Variants in GABRB2 observed in about 807,000 individuals in gnomAD.
GABRB2 encodes the protein gamma-aminobutyric acid receptor subunit beta-2.
Under a neutral mutation model 54.7 loss-of-function variants are expected in GABRB2, and 16 were observed. The observed-to-expected ratio is 0.29, with a 90% CI of 0.20 to 0.44. The LOEUF (loss-of-function observed/expected upper bound fraction) is 0.44. Among genes scored for constraint, GABRB2 ranks in the 20% least tolerant of loss-of-function variants. GABRB2 has a pLI of 1.00. For synonymous variants in GABRB2, 244 were observed against 233.8 expected (o/e 1.04, Z -0.40); for missense variants, 355 against 644.0 (o/e 0.55, Z 4.86).
At chr5:161,487,587 A>G (rs1026631996) in intron 3 of GABRB2, among the ~76,000 whole-genome samples, 2 of 151,942 alleles carry the variant, frequency 1.3e-5, no homozygotes, top group Non-Finnish European at 2.9e-5. Context: ...AAGCCCATGC[A>G]TGGGTTTGGA....
Position 161,291,091 on chromosome 5 carries a change from T to C in GABRB2, c.*2990A>G, listed in dbSNP as rs544510408. 9 of 152,652 alleles carry C rather than the reference T, an allele frequency of 5.9e-5. No homozygotes were observed. The highest frequency in any genetic ancestry group is 2.2e-4 in the African/African-American group (9 of 41,548). The allele number at this position is 152,652 out of a possible 1,614,324, so 9.5% of individuals were successfully genotyped here. On this transcript the variant is annotated 3_prime_UTR_variant, in exon 10 of 10. Transcript: ENST00000393959. ...AACACATGATTATGTTGCATGAGTT[T>C]TCAACTCTGAAATGCATTTCATACC...
chr5:161,359,735 C>G (rs970103362), intron 5 of GABRB2, among the ~76,000 whole-genome samples: 2 of 152,134 alleles, frequency 1.3e-5, no homozygotes, highest in African/African-American at 4.8e-5. Flanking sequence ...GCTAGAAAAG[C>G]ACTACAGATG....
intron 3 of GABRB2, among the ~76,000 whole-genome samples, chr5:161,503,345 C>T (rs1398904619): frequency 6.6e-6 from 1 of 151,618 alleles, no homozygotes; most frequent in East Asian, 1.9e-4. Flanking sequence ...CTTCAATAAG[C>T]ATGGCAGAAA....
At chr5:161,298,209 T>G (rs1314744054) in intron 9 of GABRB2, among the ~76,000 whole-genome samples, 1 of 152,234 alleles carries the variant, frequency 6.6e-6, no homozygotes, top group Non-Finnish European at 1.5e-5. Flanking sequence ...TCCAAACACT[T>G]TCTCCCATTC....
At chr5:161,302,538 G>C (rs1202645037) in intron 9 of GABRB2, among the ~76,000 whole-genome samples, 2 of 152,056 alleles carry the variant, frequency 1.3e-5, no homozygotes, top group Non-Finnish European at 2.9e-5. Flanking sequence ...AGGGGAAATG[G>C]GACTATCTGA....
At chr5:161,412,492 T>TTA (rs1756545712) in intron 4 of GABRB2, among the ~76,000 whole-genome samples, 1 of 152,142 alleles carries the variant, frequency 6.6e-6, no homozygotes, top group African/African-American at 2.4e-5. Flanking sequence ...AGCCACTCTA[T>TTA]TCACTGCCCC....
At position 161,530,783 on chromosome 5, in the gene GABRB2, TA is replaced by T. The variant is rs577878895; in HGVS notation, c.237+14443del. The stretch of plus-strand genomic sequence containing the variant: ...GTGCCATTTTTCAGTGAATTCTGTT[TA>T]AAAAAGAATGGTTTGCTACACATGC... On this transcript the variant is annotated intron_variant, in intron 3 of 9. Coordinates refer to ENST00000393959, the MANE Select transcript of GABRB2 (RefSeq NM_001371727.1). Among the ~76,000 whole-genome samples, 260 of 152,246 alleles carry T rather than the reference TA, an allele frequency of 1.7e-3. 1 individual carries two copies. Among genetic ancestry groups the T allele is most frequent in the African/African-American group, 6.0e-3 (248 of 41,540 alleles).
upstream of GABRB2, chr5:161,546,882 A>C: frequency 1.4e-6 from 1 of 731,940 alleles, no homozygotes. Context: ...TAATATAGAA[A>C]AGTCACCCCA....
intron 8 of GABRB2, among the ~76,000 whole-genome samples, chr5:161,328,685 T>C (rs1420146037): frequency 6.6e-6 from 1 of 152,134 alleles, no homozygotes; most frequent in East Asian, 1.9e-4. Context: ...ACGACAAGGA[T>C]ATTATTTTTT....
chr5:161,386,161 T>G (rs1230980305), intron 5 of GABRB2, among the ~76,000 whole-genome samples: 1 of 152,146 alleles, frequency 6.6e-6, no homozygotes, highest in Admixed American at 6.6e-5. Flanking sequence ...TTATCCTAAG[T>G]GGCCCTCATG....
At chr5:161,535,823 G>A (rs1760616526) in intron 3 of GABRB2, among the ~76,000 whole-genome samples, 1 of 152,118 alleles carries the variant, frequency 6.6e-6, no homozygotes, top group African/African-American at 2.4e-5. Flanking sequence ...GGGAGTTTGG[G>A]CCTAATGGGA....
At chr5:161,455,430 T>C (rs375922536) in intron 4 of GABRB2, among the ~76,000 whole-genome samples, 5 of 152,216 alleles carry the variant, frequency 3.3e-5, no homozygotes, top group African/African-American at 1.2e-4. Context: ...ATGGGAACTA[T>C]CATCCCATGG....
chr5:161,309,053 T>G (rs1165537366), intron 9 of GABRB2, among the ~76,000 whole-genome samples: 2 of 152,098 alleles, frequency 1.3e-5, no homozygotes, highest in African/African-American at 4.8e-5. Flanking sequence ...CAAACAAAAC[T>G]ATCAACAGAG....
At chr5:161,530,633 T>G (rs1286446917) in intron 3 of GABRB2, among the ~76,000 whole-genome samples, 1 of 152,120 alleles carries the variant, frequency 6.6e-6, no homozygotes, top group Non-Finnish European at 1.5e-5. Flanking sequence ...AGATAAAGCA[T>G]TCCCCCAAAT....
intron 8 of GABRB2, among the ~76,000 whole-genome samples, chr5:161,328,215 C>G (rs1758425595): frequency 6.6e-6 from 1 of 152,176 alleles, no homozygotes; most frequent in South Asian, 2.1e-4. Context: ...AAACAATACA[C>G]TGCTTTAGGG....
intron 3 of GABRB2, among the ~76,000 whole-genome samples, chr5:161,506,797 T>C (rs1294980109): frequency 6.6e-6 from 1 of 152,084 alleles, no homozygotes; most frequent in Non-Finnish European, 1.5e-5. Context: ...ACTTAATATA[T>C]TTTATATTTT....
chr5:161,365,715 G>T (rs1303126652), intron 5 of GABRB2, among the ~76,000 whole-genome samples: 1 of 152,118 alleles, frequency 6.6e-6, no homozygotes, highest in African/African-American at 2.4e-5. Context: ...GCAGAGCCAT[G>T]ATTCTTTCCT....
At chr5:161,314,871 C>T (rs536513291) in intron 9 of GABRB2, among the ~76,000 whole-genome samples, 128 of 152,130 alleles carry the variant, frequency 8.4e-4, no homozygotes, top group African/African-American at 2.6e-3. Flanking sequence ...AAGGAAAGAA[C>T]GAAATAAATT....
chr5:161,376,976 A>G lies in GABRB2; in HGVS notation c.541+33999T>C, dbSNP rs192303861. ...AGAAAAAAACAAAGAAGAAGGAATA[A>G]AAAGTAGGAATGGAACCTAGGGCAG... On this transcript the variant is annotated intron_variant, in intron 5 of 9. Transcript: ENST00000393959. Among the ~76,000 whole-genome samples, 238 of 152,208 alleles carry G rather than the reference A, an allele frequency of 1.6e-3. 1 individual carries two copies. The highest frequency in any genetic ancestry group is 6.8e-3 in the Middle Eastern group (2 of 294).
Sources: allele counts gnomAD v4.1 joint callset (sites outside exome capture counted in the v4.1 genomes callset), GRCh38; gene constraint gnomAD v4.1.1; transcripts MANE v1.5; gene names NCBI Gene and HGNC (gene_info 2026-07-23, HGNC 2026-07-21).